The following IDNK variants were observed in gnomAD, a reference collection of about 807,000 sequenced individuals.
The protein encoded by IDNK is gluconokinase.
In IDNK, 9 loss-of-function variants were observed where a neutral mutation model predicts 13.0. The observed-to-expected ratio is 0.69, with a 90% CI of 0.42 to 1.21. The LOEUF (loss-of-function observed/expected upper bound fraction) is 1.21, where lower values mean the gene tolerates loss of function less well. Ranked by LOEUF, IDNK falls within the 50% of genes most tolerant of loss-of-function variation. The pLI, the probability that IDNK is intolerant of heterozygous loss-of-function variation, is 0.00. For synonymous variants in IDNK, 92 were observed against 94.9 expected, an observed-to-expected ratio of 0.97 and a Z score of 0.18; for missense variants, 210 against 237.8, an observed-to-expected ratio of 0.88 and a Z score of 0.77.
At chr9:83,633,075 C>T (rs1370119588) in intron 3 of IDNK, among the ~76,000 whole-genome samples, 1 of 151,340 alleles carries the variant, frequency 6.6e-6, no homozygotes, top group Non-Finnish European at 1.5e-5. Context: ...CGCAGTGGCT[C>T]ACGCCTGTAA....
At chr9:83,629,348 G>A (rs1361903781) in intron 3 of IDNK, among the ~76,000 whole-genome samples, 1 of 152,210 alleles carries the variant, frequency 6.6e-6, no homozygotes, top group African/African-American at 2.4e-5. Flanking sequence ...TAAAGCCAGA[G>A]TGATCTTTGA....
chr9:83,633,792 A>G (rs1398677909), intron 3 of IDNK, among the ~76,000 whole-genome samples: 2 of 152,244 alleles, frequency 1.3e-5, no homozygotes, highest in East Asian at 1.9e-4. Context: ...GAGTCTTTCT[A>G]ACTTCAAAGA....
chr9:83,641,753 C>A lies in IDNK; in HGVS notation c.212+162C>A, dbSNP rs773182077. On this transcript the variant is annotated intron_variant, in intron 4 of 4. Transcript: ENST00000376419. ...TATCAGGTAACCACAATGATTTCAA[C>A]CAGCCACAGGCAGCATGGAGTTTAG... Among the ~76,000 whole-genome samples the A allele has an allele frequency of 7.2e-4, 110 of 152,360 alleles. No homozygotes were observed. The Middle Eastern group carries it at 0.01, about 14-fold the overall frequency.
At chr9:83,626,133 T>C (rs75782469) in intron 1 of IDNK, among the ~76,000 whole-genome samples, 3,666 of 152,306 alleles carry the variant, frequency 0.024, 141 homozygotes, top group African/African-American at 0.082. Flanking sequence ...TTTAAGTCCC[T>C]TGCCCCTGAT....
At chr9:83,643,199 AGAT>A (rs1233082334) in intron 4 of IDNK, among the ~76,000 whole-genome samples, 1 of 152,218 alleles carries the variant, frequency 6.6e-6, no homozygotes, top group Non-Finnish European at 1.5e-5. Flanking sequence ...CCCACTTAAC[AGAT>A]GATGAACTGA....
At chr9:83,630,040 C>T (rs1269159423) in intron 3 of IDNK, among the ~76,000 whole-genome samples, 3 of 152,234 alleles carry the variant, frequency 2.0e-5, no homozygotes, top group Non-Finnish European at 4.4e-5. Context: ...AGGGCAAGAA[C>T]GAATGGAACT....
chr9:83,632,650 G>A (rs1831054233), intron 3 of IDNK, among the ~76,000 whole-genome samples: 1 of 151,884 alleles, frequency 6.6e-6, no homozygotes. Context: ...CAAAGCCGCA[G>A]TAGGGTTTGC....
rs1307524728 is a variant in IDNK at position 83,632,861 on chromosome 9, C to T, written c.168+3902C>T. ...AATTTGCTCTAATATCTCCTTCTTCCAATTTCTTCACTGTAGAGAGATCTC... is the reference window on the plus strand; with the variant it reads ...AATTTGCTCTAATATCTCCTTCTTCTAATTTCTTCACTGTAGAGAGATCTC... On this transcript the variant is annotated intron_variant, in intron 3 of 4. Transcript: ENST00000376419. Among the ~76,000 whole-genome samples the T allele has an allele frequency of 1.3e-5, 2 of 152,176 alleles. 1 individual carries two copies. The highest frequency in any genetic ancestry group is 2.9e-5 in the Non-Finnish European group (2 of 68,034).
At chr9:83,627,931 G>T in intron 1 of IDNK, 13 of 938,518 alleles carry the variant, frequency 1.4e-5, no homozygotes, top group African/African-American at 1.7e-5. Flanking sequence ...TGGGTTTAAT[G>T]AGATCTTATA....
chr9:83,643,532 G>A lies in IDNK; in HGVS notation c.316G>A (p.Glu106Lys). ...AAAAGATGGTGTAGCTCTGAAGTGTGAGGAGTCGGGAAAGGAAGCAAAGCA... is the reference window on the plus strand; with the variant it reads ...AAAAGATGGTGTAGCTCTGAAGTGTAAGGAGTCGGGAAAGGAAGCAAAGCA... The part of the protein sequence containing the change: ...QGKDGVALKC[E>K]ESGKEAKQAE... The change falls in exon 5 of 5, where the codon GAG (glutamate) becomes AAG (lysine). Residue 106 changes from glutamate (E) to lysine (K), a missense_variant. By Grantham distance (56) the Glu-to-Lys change is moderately conservative. Transcript: ENST00000376419. 6.2e-7 allele frequency: 1 copy of A among 1,613,886 alleles called. No homozygotes were observed. The highest frequency in any genetic ancestry group is 8.5e-7 in the Non-Finnish European group (1 of 1,179,956).
rs368711415 is a variant in IDNK, at chr9:83,629,044, C to T, written c.168+85C>T. The T allele has an allele frequency of 2.3e-5, 25 of 1,066,122 alleles. No homozygotes were observed. In the East Asian group the frequency reaches 3.5e-4, roughly 15 times the overall value. The allele number at this position is 1,066,122 out of a possible 1,614,324, so 66.0% of individuals were successfully genotyped here. On this transcript the variant is annotated intron_variant, in intron 3 of 4. Transcript: ENST00000376419. Reference sequence around the variant, plus strand: ...CTACAGCACTTGCTGTAGTAGAGTTCGTGAGTCCTAAGGTCACTGTACAGG... The same window carrying T: ...CTACAGCACTTGCTGTAGTAGAGTTTGTGAGTCCTAAGGTCACTGTACAGG...
Position 83,643,579 on chromosome 9 carries a change from G to A in IDNK, c.363G>A (p.Val121=), listed in dbSNP as rs773492158. 1 of 1,613,918 alleles carries A rather than the reference G, an allele frequency of 6.2e-7. No individual in the cohort carries two copies. Among genetic ancestry groups the A allele is most frequent in the South Asian group, 1.1e-5 (1 of 91,060 alleles). The part of the protein sequence containing the change: ...EAKQAEMQLL[V]VHLSGSFEVI... ...AGCAGGCTGAGATGCAGCTCCTGGT[G>A]GTCCATCTGAGCGGGTCGTTTGAGG... The change falls in exon 5 of 5, where the codon GTG becomes GTA. Residue 121 remains valine, a synonymous_variant. Coordinates refer to ENST00000376419, the MANE Select transcript of IDNK (RefSeq NM_001001551.4).
At chr9:83,629,086 G>A (rs1830941937) in intron 3 of IDNK, 127 bp downstream of exon 3, 2 of 737,070 alleles carry the variant, frequency 2.7e-6, no homozygotes, top group Non-Finnish European at 4.9e-6. Context: ...AAAGAGCCAG[G>A]TGCCCAGTAG....
intron 3 of IDNK, among the ~76,000 whole-genome samples, chr9:83,636,138 GAGAA>G (rs1424956606): frequency 6.6e-6 from 1 of 152,186 alleles, no homozygotes; most frequent in Non-Finnish European, 1.5e-5. Flanking sequence ...AGGGGAATAA[GAGAA>G]AGAAAGGAAT....
chr9:83,637,387 A>T (rs1411805187), intron 3 of IDNK, among the ~76,000 whole-genome samples: 1 of 152,236 alleles, frequency 6.6e-6, no homozygotes, highest in Non-Finnish European at 1.5e-5. Context: ...GAGTGGATCC[A>T]GGTAACTAGA....
At chr9:83,640,573 G>A (rs1350865230) in intron 3 of IDNK, among the ~76,000 whole-genome samples, 1 of 152,210 alleles carries the variant, frequency 6.6e-6, no homozygotes, top group East Asian at 1.9e-4. Context: ...CGGGTGCGGT[G>A]GCTCACACCT....
At chr9:83,635,626 C>G (rs560445123) in intron 3 of IDNK, among the ~76,000 whole-genome samples, 103 of 152,336 alleles carry the variant, frequency 6.8e-4, no homozygotes, top group Middle Eastern at 6.8e-3. Context: ...CATTCTAACT[C>G]CTTCGCATGA....
chr9:83,630,489 T>G (rs1188895313), intron 3 of IDNK, among the ~76,000 whole-genome samples: 4 of 152,196 alleles, frequency 2.6e-5, no homozygotes, highest in African/African-American at 9.7e-5. Context: ...GGGGTAGGAA[T>G]GGTAACAGGA....
chr9:83,630,677 T>A (rs567580781), intron 3 of IDNK, among the ~76,000 whole-genome samples: 5 of 152,372 alleles, frequency 3.3e-5, no homozygotes, highest in African/African-American at 1.2e-4. Flanking sequence ...AAAATGTGAC[T>A]GTGCCAGTGT....
Sources: gnomAD v4.1 joint callset for allele counts (sites outside exome capture counted in the v4.1 genomes callset) on GRCh38, gnomAD v4.1.1 for gene constraint, MANE v1.5 for transcripts, NCBI Gene and HGNC (gene_info 2026-07-23, HGNC 2026-07-21) for gene names.